Variants in FOXP1 observed in about 807,000 individuals in gnomAD.
FOXP1 encodes forkhead box protein P1.
In FOXP1, 15 loss-of-function variants were observed where a neutral mutation model predicts 98.2. That is an observed-to-expected ratio of 0.15 (90% confidence interval 0.10 to 0.24). The LOEUF is 0.24. FOXP1 is among the 10% of genes least tolerant of loss of function. The pLI, the probability that FOXP1 is intolerant of heterozygous loss-of-function variation, is 1.00. For missense variants in FOXP1, 633 were observed against 848.5 expected (o/e 0.75, Z 3.15); for synonymous variants, 371 against 314.5 (o/e 1.18, Z -1.90).
intron 5 of FOXP1, among the ~76,000 whole-genome samples, chr3:71,229,362 T>C (rs1383373335): frequency 2.0e-5 from 3 of 152,222 alleles, no homozygotes; most frequent in Admixed American, 2.0e-4. Flanking sequence ...CTCAGCTTAC[T>C]AGTATTATTT....
chr3:71,406,700 A>G (rs1157870280), intron 3 of FOXP1, among the ~76,000 whole-genome samples: 1 of 152,132 alleles, frequency 6.6e-6, no homozygotes, highest in Middle Eastern at 3.4e-3. Context: ...GTAACATACC[A>G]TATTCCCAGA....
chr3:70,966,921 C>T (rs891283227), intron 19 of FOXP1, among the ~76,000 whole-genome samples: 4 of 152,166 alleles, frequency 2.6e-5, no homozygotes, highest in South Asian at 2.1e-4. Flanking sequence ...GAAATGCAGA[C>T]GCTAGTTACA....
intron 6 of FOXP1, among the ~76,000 whole-genome samples, chr3:71,194,752 A>G (rs1014332928): frequency 4.6e-5 from 7 of 152,242 alleles, no homozygotes; most frequent in African/African-American, 1.7e-4. Context: ...TCAACAGATA[A>G]AAGAAAATGT....
chr3:71,369,992 C>T (rs1333318106), intron 3 of FOXP1, among the ~76,000 whole-genome samples: 1 of 152,066 alleles, frequency 6.6e-6, no homozygotes, highest in Non-Finnish European at 1.5e-5. Flanking sequence ...GAAAAGATTT[C>T]GTGGAAGAAA....
Position 70,977,913 on chromosome 3 carries a change from G to C in FOXP1, c.1263C>G (p.Pro421=), listed in dbSNP as rs746264001. The stretch of plus-strand genomic sequence containing the variant: ...GCATGCTGGTGGTTGTGATGACAGA[G>C]GGGCCTTGGGTGACGGGAGTCAGGG... The part of the protein sequence containing the change: ...TAPLTPVTQG[P]SVITTTSMHT... Residue 421 remains proline, a synonymous_variant, in exon 15 of 21, where the codon CCC becomes CCG. Transcript: ENST00000649528. 2 of 1,614,200 alleles carry C rather than the reference G, an allele frequency of 1.2e-6. No individual in the cohort carries two copies. Among genetic ancestry groups the C allele is most frequent in the Admixed American group, 1.7e-5 (1 of 60,026 alleles).
Position 70,959,174 on chromosome 3 carries a change from T to C in FOXP1, c.*73A>G. On this transcript the variant is annotated 3_prime_UTR_variant, in exon 21 of 21. Transcript: ENST00000649528. The stretch of plus-strand genomic sequence containing the variant: ...TACAACAAATGGAGAACAATTTCAC[T>C]GCTAACTTTTGACGTGTTTTTTTTT... The C allele has an allele frequency of 1.3e-6, 2 of 1,549,438 alleles. No homozygotes were observed. The highest frequency in any genetic ancestry group is 1.8e-6 in the Non-Finnish European group (2 of 1,125,642).
At chr3:70,970,688 G>A (rs1474791538) in intron 19 of FOXP1, 48 bp downstream of exon 19, 7 of 1,356,510 alleles carry the variant, frequency 5.2e-6, no homozygotes, top group Admixed American at 1.7e-5. Context: ...AAATGAGTAG[G>A]GGAGACCTGT....
intron 3 of FOXP1, among the ~76,000 whole-genome samples, chr3:71,379,860 T>C (rs1184429957): frequency 6.6e-6 from 1 of 152,234 alleles, no homozygotes; most frequent in Admixed American, 6.5e-5. Flanking sequence ...GTTTATACCA[T>C]TGTTCTGGCT....
intron 7 of FOXP1, among the ~76,000 whole-genome samples, chr3:71,065,409 C>T (rs1406960440): frequency 6.6e-6 from 1 of 152,186 alleles, no homozygotes; most frequent in East Asian, 1.9e-4. Context: ...TGTTCGGCTT[C>T]GGGAGGGTAC....
At chr3:71,547,492 G>T (rs2045455230) in intron 2 of FOXP1, among the ~76,000 whole-genome samples, 1 of 152,190 alleles carries the variant, frequency 6.6e-6, no homozygotes, top group Admixed American at 6.5e-5. Flanking sequence ...GGCCCCGTTT[G>T]ACCTCTTTTT....
At chr3:71,250,332 A>C (rs1412464106) in intron 5 of FOXP1, among the ~76,000 whole-genome samples, 1 of 152,224 alleles carries the variant, frequency 6.6e-6, no homozygotes, top group East Asian at 1.9e-4. Flanking sequence ...GAAATGTTCT[A>C]TGCCTACAAC....
chr3:71,028,807 C>A (rs1174697391), intron 11 of FOXP1, among the ~76,000 whole-genome samples: 1 of 152,290 alleles, frequency 6.6e-6, no homozygotes, highest in South Asian at 2.1e-4. Context: ...TATAGACAGT[C>A]CCATGTGGGG....
At chr3:71,465,309 G>GAAA (rs869106717) in intron 3 of FOXP1, among the ~76,000 whole-genome samples, 59 of 112,092 alleles carry the variant, frequency 5.3e-4, no homozygotes, top group East Asian at 3.8e-3. Context: ...CTCTGTCTCA[G>GAAA]AAAAAAAAAA....
Position 71,198,026 on chromosome 3 carries a change from A to T in FOXP1, c.180+176T>A. 3 of 1,614,250 alleles carry T rather than the reference A, an allele frequency of 1.9e-6. No individual in the cohort carries two copies. The South Asian group carries it at 3.3e-5, about 18-fold the overall frequency. On this transcript the variant is annotated intron_variant, in intron 6 of 20. Coordinates refer to ENST00000649528, the MANE Select transcript of FOXP1 (RefSeq NM_001349338.3). ...GGGCTTGAAATTAGTCTCTTAAGCC[A>T]ACTGCTGGGACTCCTAGAGGGCTGA...
At chr3:71,102,734 C>T (rs962783482) in intron 7 of FOXP1, among the ~76,000 whole-genome samples, 31 of 152,136 alleles carry the variant, frequency 2.0e-4, no homozygotes, top group African/African-American at 7.5e-4. Flanking sequence ...GAGCATTAAG[C>T]ATCAGCAACT....
intron 5 of FOXP1, among the ~76,000 whole-genome samples, chr3:71,244,292 T>A (rs2067530814): frequency 6.6e-6 from 1 of 152,104 alleles, no homozygotes; most frequent in Non-Finnish European, 1.5e-5. Flanking sequence ...CCACAGTGCG[T>A]GCGCTCTCAT....
intron 18 of FOXP1, 108 bp downstream of exon 18, chr3:70,972,447 C>A (rs545750861): frequency 6.7e-7 from 1 of 1,501,636 alleles, no homozygotes; most frequent in Non-Finnish European, 9.3e-7. Context: ...ACTGAGACAA[C>A]GTGAAACCAG....
At chr3:71,415,025 A>T (rs1465150137) in intron 3 of FOXP1, among the ~76,000 whole-genome samples, 3 of 152,222 alleles carry the variant, frequency 2.0e-5, no homozygotes, top group Non-Finnish European at 4.4e-5. Flanking sequence ...ATCTCACCCT[A>T]AGAAAAATCT....
intron 11 of FOXP1, among the ~76,000 whole-genome samples, chr3:71,026,469 G>C (rs2046132391): frequency 6.6e-6 from 1 of 152,146 alleles, no homozygotes; most frequent in Non-Finnish European, 1.5e-5. Flanking sequence ...ACAGGGGATG[G>C]CAGAGCCTCA....
Sources: allele counts gnomAD v4.1 joint callset (sites outside exome capture counted in the v4.1 genomes callset), GRCh38; gene constraint gnomAD v4.1.1; transcripts MANE v1.5; gene names NCBI Gene and HGNC (gene_info 2026-07-23, HGNC 2026-07-21).